SLC4A10: variants seen among roughly 807,000 people sequenced by gnomAD.
The protein encoded by SLC4A10 is solute carrier family 4 member 10.
Under a neutral mutation model 137.7 loss-of-function variants are expected in SLC4A10, and 42 were observed. The ratio of observed to expected loss-of-function variants is 0.30; its 90% CI spans 0.24 to 0.39. The LOEUF is 0.39. Ranked by LOEUF, SLC4A10 falls within the 10% of genes least tolerant of loss-of-function variation. The probability of loss-of-function intolerance (pLI) is 1.00; values close to 1 mark genes in which losing one functional copy is unlikely to be tolerated. For missense variants in SLC4A10, 925 were observed against 1,355.0 expected (o/e 0.68, Z 4.98); for synonymous variants, 474 against 464.1 (o/e 1.02, Z -0.27).
rs2125856158 is a variant in SLC4A10, at chr2:161,854,991, T to C, written c.438T>C (p.Asp146=). 1 of 1,612,730 alleles carries C rather than the reference T, an allele frequency of 6.2e-7. No individual in the cohort carries two copies. The highest frequency in any genetic ancestry group is 8.5e-7 in the Non-Finnish European group (1 of 1,179,236). The change falls in exon 5 of 27, where the codon GAT becomes GAC. Residue 146 remains aspartate, a synonymous_variant. Transcript: ENST00000446997. ...ETARWLKFEE[D]VEDGGERWSK... is the part of the protein sequence containing the mutation. ...ATAGGTGGTTGAAGTTTGAAGAAGA[T>C]GTGGAAGATGGAGGAGAAAGGTGGA... is the stretch of plus-strand genomic sequence containing the variant.
chr2:161,786,938 G>A (rs753089816), intron 2 of SLC4A10, among the ~76,000 whole-genome samples: 88 of 142,092 alleles, frequency 6.2e-4, no homozygotes, highest in Non-Finnish European at 9.5e-4. Flanking sequence ...CAGTCTCAGT[G>A]GTGTAATTGC....
chr2:161,867,703 T>G (rs2125910149), intron 6 of SLC4A10, among the ~76,000 whole-genome samples: 1 of 152,158 alleles, frequency 6.6e-6, no homozygotes, highest in South Asian at 2.1e-4. Flanking sequence ...GTTTGCATAC[T>G]TCTCATGTTT....
chr2:161,755,549 A>T (rs545821999), intron 1 of SLC4A10, among the ~76,000 whole-genome samples: 45 of 152,298 alleles, frequency 3.0e-4, no homozygotes, highest in African/African-American at 1.1e-3. Context: ...TTAAGCCAAC[A>T]CCACCCTCTC....
intron 3 of SLC4A10, among the ~76,000 whole-genome samples, chr2:161,833,683 T>C (rs1272686104): frequency 6.6e-6 from 1 of 152,222 alleles, no homozygotes; most frequent in Non-Finnish European, 1.5e-5. Flanking sequence ...AACTAATCTA[T>C]GTTATGTATT....
intron 2 of SLC4A10, among the ~76,000 whole-genome samples, chr2:161,787,616 A>T (rs1241224502): frequency 6.6e-6 from 1 of 152,072 alleles, no homozygotes; most frequent in Non-Finnish European, 1.5e-5. Flanking sequence ...GTTTATTTTT[A>T]AAATGCTTTT....
intron 1 of SLC4A10, among the ~76,000 whole-genome samples, chr2:161,686,014 T>C (rs1290663476): frequency 6.6e-6 from 1 of 152,150 alleles, no homozygotes; most frequent in African/African-American, 2.4e-5. Flanking sequence ...CCAAAGGAGT[T>C]AGCCCCCAAC....
intron 1 of SLC4A10, among the ~76,000 whole-genome samples, chr2:161,758,221 C>T (rs2049876975): frequency 1.3e-5 from 2 of 151,836 alleles, no homozygotes; most frequent in African/African-American, 4.8e-5. Flanking sequence ...AAACATATCA[C>T]TAATAAATAA....
intron 1 of SLC4A10, among the ~76,000 whole-genome samples, chr2:161,641,578 A>G (rs1013206246): frequency 1.3e-5 from 2 of 152,238 alleles, no homozygotes; most frequent in South Asian, 4.1e-4. Context: ...ATTGTTTCAC[A>G]TTCATTATTG....
chr2:161,832,827 G>A (rs969169958), intron 3 of SLC4A10, among the ~76,000 whole-genome samples: 2 of 152,114 alleles, frequency 1.3e-5, no homozygotes, highest in African/African-American at 4.8e-5. Context: ...TGCAAGCTCC[G>A]CCTCCCGGGT....
At chr2:161,832,881 C>T (rs2058523574) in intron 3 of SLC4A10, among the ~76,000 whole-genome samples, 3 of 152,154 alleles carry the variant, frequency 2.0e-5, no homozygotes, top group Non-Finnish European at 1.5e-5. Flanking sequence ...GCTGGGATTA[C>T]AGGCGCCTGC....
At chr2:161,655,048 C>T (rs2037317715) in intron 1 of SLC4A10, among the ~76,000 whole-genome samples, 1 of 151,998 alleles carries the variant, frequency 6.6e-6, no homozygotes, top group Admixed American at 6.6e-5. Context: ...TTAAACTTTC[C>T]TTCTTCAATC....
chr2:161,910,106 T>G (rs540720782), intron 15 of SLC4A10, among the ~76,000 whole-genome samples: 1 of 152,274 alleles, frequency 6.6e-6, no homozygotes, highest in African/African-American at 2.4e-5. Context: ...GTATAAGATA[T>G]TTGAAAAAAG....
chr2:161,932,138 T>C (rs1202002630), intron 15 of SLC4A10, among the ~76,000 whole-genome samples: 1 of 152,182 alleles, frequency 6.6e-6, no homozygotes, highest in African/African-American at 2.4e-5. Flanking sequence ...AGAAATCAAT[T>C]TGGGAGAATC....
rs373775582 is a variant in SLC4A10 at position 161,947,814 on chromosome 2, G to A, written c.2265+87G>A. The A allele has an allele frequency of 4.8e-5, 68 of 1,427,276 alleles. No homozygotes were observed. The East Asian group carries it at 1.3e-3, about 27-fold the overall frequency. The allele number at this position is 1,427,276 out of a possible 1,614,324, so 88.4% of individuals were successfully genotyped here. ...ATGTAATAAAAGGAGCCACTGAAAG[G>A]CTTTTGTGTGAGTGAGCTGCCAGGT... On this transcript the variant is annotated intron_variant, in intron 17 of 26. Coordinates refer to ENST00000446997, the MANE Select transcript of SLC4A10 (RefSeq NM_001178015.2).
intron 2 of SLC4A10, among the ~76,000 whole-genome samples, chr2:161,775,546 G>A (rs991816786): frequency 4.0e-5 from 6 of 151,778 alleles, no homozygotes; most frequent in African/African-American, 7.3e-5. Flanking sequence ...GACACATTTC[G>A]GTGTCTGTTT....
intron 1 of SLC4A10, among the ~76,000 whole-genome samples, chr2:161,745,414 A>G (rs950520287): frequency 6.6e-6 from 1 of 152,050 alleles, no homozygotes; most frequent in Non-Finnish European, 1.5e-5. Context: ...ATTCTTTTTA[A>G]TTATTTCAAT....
At chr2:161,717,734 G>T (rs964418038) in intron 1 of SLC4A10, among the ~76,000 whole-genome samples, 3 of 152,126 alleles carry the variant, frequency 2.0e-5, no homozygotes, top group African/African-American at 7.2e-5. Context: ...ATTCATCAGG[G>T]ATATTGGCCT....
At position 161,827,116 on chromosome 2, in the gene SLC4A10, T is replaced by A. The variant is rs752105234; in HGVS notation, c.278-12673T>A. Reference sequence around the variant, plus strand: ...ATTAATCCTTTTACATATTTATTCCTTTTCCGATTCTTTTGTTAACTTATT... The same window carrying A: ...ATTAATCCTTTTACATATTTATTCCATTTCCGATTCTTTTGTTAACTTATT... On this transcript the variant is annotated intron_variant, in intron 3 of 26. Coordinates refer to ENST00000446997, the MANE Select transcript of SLC4A10 (RefSeq NM_001178015.2). Among the ~76,000 whole-genome samples, 50 of 152,334 alleles carry A rather than the reference T, an allele frequency of 3.3e-4. No homozygotes were observed. The Middle Eastern group carries it at 0.014, about 41-fold the overall frequency.
intron 1 of SLC4A10, among the ~76,000 whole-genome samples, chr2:161,643,295 T>C (rs1391469114): frequency 6.6e-6 from 1 of 152,126 alleles, no homozygotes; most frequent in Non-Finnish European, 1.5e-5. Context: ...GTTTTACTTT[T>C]TATTGCTGCA....
Sources: allele counts gnomAD v4.1 joint callset (sites outside exome capture counted in the v4.1 genomes callset), GRCh38; gene constraint gnomAD v4.1.1; transcripts MANE v1.5; gene names NCBI Gene and HGNC (gene_info 2026-07-23, HGNC 2026-07-21).